Variants in PTPN14 observed in about 807,000 individuals in gnomAD.
The protein encoded by PTPN14 is tyrosine-protein phosphatase non-receptor type 14.
In PTPN14, 53 loss-of-function variants were observed where a neutral mutation model predicts 126.8. The observed-to-expected ratio is 0.42, with a 90% CI of 0.34 to 0.53. The LOEUF is 0.53. Ranked by LOEUF, PTPN14 falls within the 20% of genes least tolerant of loss-of-function variation. PTPN14 has a pLI of 0.08. For synonymous variants in PTPN14, 630 were observed against 599.3 expected (o/e 1.05, Z -0.75); for missense variants, 1,257 against 1,552.9 (o/e 0.81, Z 3.20).
chr1:214,371,866 T>C (rs1658226815), intron 16 of PTPN14, among the ~76,000 whole-genome samples: 1 of 152,076 alleles, frequency 6.6e-6, no homozygotes, highest in African/African-American at 2.4e-5. Context: ...TGAAGGAAAA[T>C]ATGACTTTTT....
intron 1 of PTPN14, among the ~76,000 whole-genome samples, chr1:214,536,760 T>C (rs1299623403): frequency 6.6e-6 from 1 of 151,818 alleles, no homozygotes. Context: ...TATGAAGGAG[T>C]ATATAAAATT....
chr1:214,384,278 C>A lies in PTPN14; in HGVS notation c.1577G>T (p.Ser526Ile). ...CGAGATGGCGCTTGCCCCCGGCTTGCTTGGTACCACATTATTCTTTGGGTT... is the reference window on the plus strand; with the variant it reads ...CGAGATGGCGCTTGCCCCCGGCTTGATTGGTACCACATTATTCTTTGGGTT... The part of the protein sequence containing the change: ...QRNPKNNVVP[S>I]KPGASAISHT... Residue 526 changes from serine (S) to isoleucine (I), a missense_variant, in exon 13 of 19, where the codon AGC becomes ATC. This residue lies in a region of PTPN14 where 1,021 missense variants were observed against 1,183.3 expected (regional missense o/e 0.86). Transcript: ENST00000366956. The surrounding 1 kb of genome is among the most constrained non-coding windows in gnomAD (Gnocchi z 5.3). The A allele has an allele frequency of 6.2e-7, 1 of 1,614,172 alleles. No individual in the cohort carries two copies. The highest frequency in any genetic ancestry group is 1.6e-4 in the Middle Eastern group (1 of 6,062).
At chr1:214,446,842 C>G (rs1211286051) in intron 3 of PTPN14, among the ~76,000 whole-genome samples, 4 of 152,102 alleles carry the variant, frequency 2.6e-5, no homozygotes, top group Admixed American at 2.6e-4. Context: ...TGTTCTCAAA[C>G]AGAAGTAGCC....
intron 1 of PTPN14, among the ~76,000 whole-genome samples, chr1:214,472,800 AG>A (rs767638784): frequency 1.5e-4 from 23 of 152,332 alleles, no homozygotes; most frequent in Non-Finnish European, 3.4e-4. Context: ...TTCCTTTTCT[AG>A]CCCCTGATCT....
In PTPN14 at chr1:214,349,596, G is replaced by A. The variant is rs1657664016; in HGVS notation, c.*8326C>T. ...CTTGATGTAACACAAGTTACATAAG[G>A]TTACACATTTATTAGTAATTTGCAT... On this transcript the variant is annotated 3_prime_UTR_variant, in exon 19 of 19. Transcript: ENST00000366956. 1 of 152,144 alleles carries A rather than the reference G, an allele frequency of 6.6e-6. No homozygotes were observed. The highest frequency in any genetic ancestry group is 1.5e-5 in the Non-Finnish European group (1 of 68,028). The allele number at this position is 152,144 out of a possible 1,614,324, so 9.4% of individuals were successfully genotyped here.
intron 8 of PTPN14, among the ~76,000 whole-genome samples, chr1:214,396,211 TACTTTAAAA>T (rs1658875472): frequency 6.6e-6 from 1 of 152,226 alleles, no homozygotes; most frequent in Non-Finnish European, 1.5e-5. Context: ...TTTTTGCTCC[TACTTTAAAA>T]ATGAGGCAAT....
rs1462411259 is a variant in PTPN14, at chr1:214,506,340, A to T, written c.-154-41383T>A. 2.7e-5 allele frequency among the ~76,000 whole-genome samples: 4 copies of T among 149,106 alleles called. No homozygotes were observed. The East Asian group carries it at 7.8e-4, about 29-fold the overall frequency. ...GGCAACACAGGAGGCCCCGTCTCTT[A>T]AATTTTTTTTTTTAAAATTTTTTAA... On this transcript the variant is annotated intron_variant, in intron 1 of 18. Transcript: ENST00000366956.
chr1:214,522,022 C>T (rs927780096), intron 1 of PTPN14, among the ~76,000 whole-genome samples: 2 of 150,006 alleles, frequency 1.3e-5, no homozygotes, highest in African/African-American at 4.9e-5. Context: ...CTGCAACCTC[C>T]ACTTCCCAGG....
chr1:214,414,768 T>C (rs757269913), intron 3 of PTPN14, 42 bp from the exon 4 acceptor site: 16 of 1,472,846 alleles, frequency 1.1e-5, no homozygotes, highest in East Asian at 2.3e-5. Context: ...TAAAAACACA[T>C]ACTTGGAATA....
intron 2 of PTPN14, among the ~76,000 whole-genome samples, chr1:214,453,530 A>G (rs1294421158): frequency 1.3e-5 from 2 of 152,106 alleles, no homozygotes; most frequent in Non-Finnish European, 2.9e-5. Context: ...TAAATGAGAT[A>G]ATGCCTGTCA....
intron 1 of PTPN14, among the ~76,000 whole-genome samples, chr1:214,476,721 T>C (rs1316929813): frequency 6.6e-6 from 1 of 152,172 alleles, no homozygotes; most frequent in Non-Finnish European, 1.5e-5. Flanking sequence ...CTAAGCCACT[T>C]ACACACTGCA....
At chr1:214,399,444 C>A (rs1658966451) in intron 7 of PTPN14, among the ~76,000 whole-genome samples, 1 of 152,110 alleles carries the variant, frequency 6.6e-6, no homozygotes, top group Non-Finnish European at 1.5e-5. Context: ...CTATTGATGT[C>A]TTTTATTTTT....
intron 1 of PTPN14, chr1:214,533,476 GC>G: frequency 4.3e-6 from 2 of 469,088 alleles, no homozygotes; most frequent in Non-Finnish European, 7.3e-6. Context: ...CATTAAGCCA[GC>G]AGAAGCAGGG....
intron 3 of PTPN14, among the ~76,000 whole-genome samples, chr1:214,438,479 T>C (rs1258903942): frequency 6.6e-6 from 1 of 152,212 alleles, no homozygotes; most frequent in Non-Finnish European, 1.5e-5. Context: ...CTTTTGGGAA[T>C]TGCCTGAGGG....
chr1:214,430,810 A>T (rs959219493), intron 3 of PTPN14, among the ~76,000 whole-genome samples: 1 of 152,202 alleles, frequency 6.6e-6, no homozygotes, highest in Non-Finnish European at 1.5e-5. Flanking sequence ...CATGAAAGGT[A>T]CCTTCAGCTG....
chr1:214,489,522 G>A (rs140824726), intron 1 of PTPN14, among the ~76,000 whole-genome samples: 120 of 152,286 alleles, frequency 7.9e-4, no homozygotes, highest in Middle Eastern at 3.4e-3. Flanking sequence ...TTCAGAACGC[G>A]TTTGGAGTCA....
chr1:214,422,161 A>G (rs1322591690), intron 3 of PTPN14, among the ~76,000 whole-genome samples: 1 of 152,252 alleles, frequency 6.6e-6, no homozygotes, highest in African/African-American at 2.4e-5. Context: ...TAAAAATTCT[A>G]GAAATGGAAC....
chr1:214,382,008 G>A (rs1385220147), intron 13 of PTPN14, among the ~76,000 whole-genome samples: 2 of 152,006 alleles, frequency 1.3e-5, no homozygotes, highest in Non-Finnish European at 2.9e-5. Context: ...GGGTTCAAGT[G>A]ATTCTCCTGC....
intron 13 of PTPN14, among the ~76,000 whole-genome samples, chr1:214,378,306 TA>T (rs1272227511): frequency 2.6e-5 from 4 of 152,184 alleles, no homozygotes; most frequent in African/African-American, 7.2e-5. Flanking sequence ...CTTTTATTCT[TA>T]ATTAACTCCT....
Sources: gnomAD v4.1 joint callset for allele counts (sites outside exome capture counted in the v4.1 genomes callset) on GRCh38, gnomAD v4.1.1 for gene constraint, gnomAD v4.1.1 regional missense constraint, Gnocchi (gnomAD v3.1) non-coding constraint, MANE v1.5 for transcripts, NCBI Gene and HGNC (gene_info 2026-07-23, HGNC 2026-07-21) for gene names.